The following KCNN3 variants were observed in gnomAD, a reference collection of about 807,000 sequenced individuals.
The protein encoded by KCNN3 is small conductance calcium-activated potassium channel protein 3.
KCNN3 carries 16 observed loss-of-function variants against 62.9 expected under a neutral mutation model. The ratio of observed to expected loss-of-function variants is 0.25; its 90% CI spans 0.17 to 0.39. KCNN3 has a LOEUF of 0.39. Among genes scored for constraint, KCNN3 ranks in the 10% least tolerant of loss-of-function variants. KCNN3 has a pLI of 1.00. For missense variants in KCNN3, 599 were observed against 949.4 expected (o/e 0.63, Z 4.85); for synonymous variants, 370 against 389.2 (o/e 0.95, Z 0.58).
At chr1:154,819,494 C>T (rs1459821777) in intron 2 of KCNN3, among the ~76,000 whole-genome samples, 1 of 152,204 alleles carries the variant, frequency 6.6e-6, no homozygotes, top group Non-Finnish European at 1.5e-5. Context: ...AGACACCCAA[C>T]AGAAAACTAC....
chr1:154,761,252 A>G (rs1263630547), intron 3 of KCNN3, among the ~76,000 whole-genome samples: 1 of 152,184 alleles, frequency 6.6e-6, no homozygotes, highest in African/African-American at 2.4e-5. Flanking sequence ...ATCACCTGAG[A>G]CCAGGAGCTG....
intron 1 of KCNN3, among the ~76,000 whole-genome samples, chr1:154,860,583 T>C (rs76749863): frequency 0.033 from 5,076 of 152,250 alleles, 94 homozygotes; most frequent in African/African-American, 0.055. Context: ...ACTTCCTTTT[T>C]ACTCACACAG....
intron 1 of KCNN3, among the ~76,000 whole-genome samples, chr1:154,826,518 T>C (rs1397612192): frequency 2.0e-5 from 3 of 151,112 alleles, no homozygotes; most frequent in African/African-American, 7.4e-5. Context: ...AGCCAGGTTT[T>C]ACACCCAGAT....
At chr1:154,853,053 A>C (rs551775282) in intron 1 of KCNN3, among the ~76,000 whole-genome samples, 1 of 152,034 alleles carries the variant, frequency 6.6e-6, no homozygotes, top group Non-Finnish European at 1.5e-5. Flanking sequence ...ACAGTGGCGT[A>C]ATCACAGCTC....
At chr1:154,747,496 G>A (rs891239337) in intron 3 of KCNN3, among the ~76,000 whole-genome samples, 16 of 152,098 alleles carry the variant, frequency 1.1e-4, no homozygotes, top group African/African-American at 3.9e-4. Context: ...ATTTGTGAAC[G>A]ATTTATTTTT....
At chr1:154,858,877 CT>C (rs1220049900) in intron 1 of KCNN3, among the ~76,000 whole-genome samples, 1 of 152,090 alleles carries the variant, frequency 6.6e-6, no homozygotes, top group African/African-American at 2.4e-5. Flanking sequence ...TTCTATGGGC[CT>C]TGGGGTCCTA....
intron 1 of KCNN3, among the ~76,000 whole-genome samples, chr1:154,825,722 T>C (rs2101897416): frequency 6.6e-6 from 1 of 151,894 alleles, no homozygotes; most frequent in South Asian, 2.1e-4. Context: ...TTTCAAGTGG[T>C]TAAGTAGATT....
intron 4 of KCNN3, among the ~76,000 whole-genome samples, chr1:154,732,456 G>A (rs1025152868): frequency 6.6e-6 from 1 of 152,214 alleles, no homozygotes; most frequent in East Asian, 1.9e-4. Context: ...AGGCAGAGGT[G>A]GAAGCAGAAG....
At position 154,708,170 on chromosome 1, in the gene KCNN3, C is replaced by A. The variant is rs543914524; in HGVS notation, c.2002G>T (p.Ala668Ser). The A allele has an allele frequency of 3.7e-6, 6 of 1,613,628 alleles. No homozygotes were observed. The highest frequency in any genetic ancestry group is 5.1e-6 in the Non-Finnish European group (6 of 1,179,960). ...AGCAGCGGCAGGGAGTTGAAGCTGG[C>A]GGTGAGATGCTCCAGCTTCGACTCC... ...SLESKLEHLT[A>S]SFNSLPLLIA... The change falls in exon 8 of 8, where the codon GCC (alanine) becomes TCC (serine). Residue 668 changes from alanine (A) to serine (S), a missense_variant. By Grantham distance (99) the Ala-to-Ser change is moderately conservative. Around this residue, in one of 7 missense-constraint regions of KCNN3, gnomAD observed 288 missense variants for 557.4 expected, o/e 0.52. Coordinates refer to ENST00000271915, the MANE Select transcript of KCNN3 (RefSeq NM_002249.6).
intron 3 of KCNN3, among the ~76,000 whole-genome samples, chr1:154,767,089 C>T (rs974359190): frequency 6.6e-6 from 1 of 151,992 alleles, no homozygotes; most frequent in Non-Finnish European, 1.5e-5. Flanking sequence ...CTGCTGCTGG[C>T]AAGTGCAGGC....
At chr1:154,858,161 A>T (rs1175038830) in intron 1 of KCNN3, among the ~76,000 whole-genome samples, 1 of 152,164 alleles carries the variant, frequency 6.6e-6, no homozygotes, top group African/African-American at 2.4e-5. Flanking sequence ...TTACTCTCCC[A>T]GAGCAGGGGA....
intron 3 of KCNN3, among the ~76,000 whole-genome samples, chr1:154,744,511 C>T (rs566625214): frequency 2.0e-5 from 3 of 152,334 alleles, no homozygotes; most frequent in Non-Finnish European, 2.9e-5. Flanking sequence ...TGGCAAAATA[C>T]CCGCTCAGCC....
At chr1:154,803,748 G>A (rs371798475) in intron 2 of KCNN3, among the ~76,000 whole-genome samples, 3 of 152,202 alleles carry the variant, frequency 2.0e-5, no homozygotes, top group African/African-American at 7.2e-5. Context: ...ACAGTTGCCC[G>A]CCACACCGGC....
At chr1:154,762,225 T>A (rs760501623) in intron 3 of KCNN3, among the ~76,000 whole-genome samples, 1 of 152,192 alleles carries the variant, frequency 6.6e-6, no homozygotes, top group Non-Finnish European at 1.5e-5. Context: ...TGACAAATTG[T>A]TAAATTGTTT....
chr1:154,726,312 G>A lies in KCNN3; in HGVS notation c.1591-286C>T, dbSNP rs7550291. Among the ~76,000 whole-genome samples, 44 of 152,286 alleles carry A rather than the reference G, an allele frequency of 2.9e-4. 1 individual carries two copies. The highest frequency in any genetic ancestry group is 2.0e-3 in the Admixed American group (31 of 15,298). On this transcript the variant is annotated intron_variant, in intron 4 of 7. Coordinates refer to ENST00000271915, the MANE Select transcript of KCNN3 (RefSeq NM_002249.6). ...TCAATGGAGAAGGATGCTGGGTGGC[G>A]CCGAGGCTTTGGGGGGTTTAACCAA...
At chr1:154,731,255 GT>G (rs1284704770) in intron 4 of KCNN3, among the ~76,000 whole-genome samples, 5 of 152,240 alleles carry the variant, frequency 3.3e-5, no homozygotes, top group Non-Finnish European at 7.3e-5. Flanking sequence ...CCTCGTGACA[GT>G]TGGTGCTATG....
chr1:154,860,770 G>C (rs1652739236), intron 1 of KCNN3, among the ~76,000 whole-genome samples: 1 of 152,176 alleles, frequency 6.6e-6, no homozygotes, highest in African/African-American at 2.4e-5. Context: ...GCTCCAGGTG[G>C]CATCTTCTAA....
In KCNN3 at chr1:154,704,134, T is replaced by C. The variant is rs1317927897; in HGVS notation, c.*3842A>G. The C allele has an allele frequency of 1.3e-5, 2 of 152,266 alleles. No individual in the cohort carries two copies. Among genetic ancestry groups the C allele is most frequent in the African/African-American group, 4.8e-5 (2 of 41,466 alleles). 9.4% of individuals were successfully genotyped at this position (152,266 alleles called of 1,614,324 possible). A position where few individuals can be genotyped will look rare whatever the true frequency, so the allele number is the denominator to read the frequency against. On this transcript the variant is annotated 3_prime_UTR_variant, in exon 8 of 8. Coordinates refer to ENST00000271915, the MANE Select transcript of KCNN3 (RefSeq NM_002249.6). ...CCTTCTTGGCTTTTAATAATAAAAA[T>C]AGCTTGTACATGCTCAGCGCTTGGA...
chr1:154,721,966 G>A (rs185309630), intron 5 of KCNN3, among the ~76,000 whole-genome samples: 45 of 151,874 alleles, frequency 3.0e-4, no homozygotes, highest in African/African-American at 9.2e-4. Flanking sequence ...CAGAAATGAC[G>A]TTGCCACCAG....
Sources: allele counts gnomAD v4.1 joint callset (sites outside exome capture counted in the v4.1 genomes callset), GRCh38; gene constraint gnomAD v4.1.1; regional missense constraint gnomAD v4.1.1; transcripts MANE v1.5; gene names NCBI Gene and HGNC (gene_info 2026-07-23, HGNC 2026-07-21).